DDX23: variants seen among roughly 807,000 people sequenced by gnomAD.
DDX23 encodes DEAD-box helicase 23, also known as probable ATP-dependent RNA helicase DDX23.
DDX23 carries 33 observed loss-of-function variants against 102.7 expected under a neutral mutation model. The observed-to-expected ratio is 0.32, with a 90% CI of 0.24 to 0.43. The LOEUF (loss-of-function observed/expected upper bound fraction) is 0.43. DDX23 is among the 20% of genes least tolerant of loss of function. The pLI is 1.00. For synonymous variants in DDX23, 352 were observed against 376.0 expected (o/e 0.94, Z 0.74); for missense variants, 549 against 1,086.6 (o/e 0.51, Z 6.96).
chr12:48,842,320 G>A (rs1265914408), intron 3 of DDX23, among the ~76,000 whole-genome samples: 31 of 140,684 alleles, frequency 2.2e-4, no homozygotes, highest in African/African-American at 7.1e-4. Flanking sequence ...GGGAGGTGAG[G>A]GGCGCCTCTG....
Position 48,843,341 on chromosome 12 carries a change from T to C in DDX23, c.320+599A>G, listed in dbSNP as rs913500481. On this transcript the variant is annotated intron_variant, in intron 3 of 16. Transcript: ENST00000308025. ...AAAACAAAATCTGGTGGCAGATGCC[T>C]GTAGTCCAGCTACTCAGGAGGCTGA... Among the ~76,000 whole-genome samples, 4 of 150,376 alleles carry C rather than the reference T, an allele frequency of 2.7e-5. No individual in the cohort carries two copies. In the East Asian group the frequency reaches 7.9e-4, roughly 30 times the overall value.
chr12:48,842,845 T>C (rs1339791688), intron 3 of DDX23, among the ~76,000 whole-genome samples: 8 of 152,150 alleles, frequency 5.3e-5, no homozygotes, highest in Non-Finnish European at 1.0e-4. Flanking sequence ...GGCGGTTTTG[T>C]GGAATAGAAA....
chr12:48,833,193 C>T, intron 13 of DDX23, 84 bp downstream of exon 13: 3 of 1,576,822 alleles, frequency 1.9e-6, no homozygotes, highest in South Asian at 1.2e-5. Flanking sequence ...CCATGTTGCC[C>T]AGGCTGGTCT....
intron 11 of DDX23, chr12:48,835,223 T>C (rs115160359): frequency 0.021 from 4,370 of 207,564 alleles, 217 homozygotes; most frequent in African/African-American, 0.098. Flanking sequence ...GCCTAGACAA[T>C]AGAGCGAGAC....
chr12:48,834,752 G>C (rs1938440955), intron 11 of DDX23: 1 of 333,712 alleles, frequency 3.0e-6, no homozygotes, highest in Non-Finnish European at 5.5e-6. Context: ...TGGCCAACAT[G>C]GTGAAACCCT....
Position 48,833,700 on chromosome 12 carries a change from T to C in DDX23, c.1561-181A>G, listed in dbSNP as rs549079056. On this transcript the variant is annotated intron_variant, in intron 12 of 16. Transcript: ENST00000308025. ...CATGAAATCACTTGTTGCCTGGATTTTCTCAGGAATGAATGAGGTCTCTGA... is the reference window on the plus strand; with the variant it reads ...CATGAAATCACTTGTTGCCTGGATTCTCTCAGGAATGAATGAGGTCTCTGA... 5.4e-6 allele frequency: 4 copies of C among 740,860 alleles called. No individual in the cohort carries two copies. In the East Asian group the frequency reaches 8.1e-5, roughly 15 times the overall value. 45.9% of individuals were successfully genotyped at this position (740,860 alleles called of 1,614,324 possible).
Position 48,832,502 on chromosome 12 carries a change from A to G in DDX23, c.1875T>C (p.Ala625=). The G allele has an allele frequency of 6.2e-7, 1 of 1,614,144 alleles. No individual in the cohort carries two copies. The highest frequency in any genetic ancestry group is 8.5e-7 in the Non-Finnish European group (1 of 1,180,028). The part of the protein sequence containing the change: ...RLARSYLRRP[A]VVYIGSAGKP... The stretch of plus-strand genomic sequence containing the variant: ...TGCCTGCGGAGCCAATGTACACCAC[A>G]GCAGGTCGCCGAAGATAGCTCCTGG... Residue 625 remains alanine, a synonymous_variant, in exon 14 of 17, where the codon GCT becomes GCC. Coordinates refer to ENST00000308025, the MANE Select transcript of DDX23 (RefSeq NM_004818.3). This position sits in a 1 kb window ranked among gnomAD's most constrained non-coding sequence, Gnocchi z 4.4.
chr12:48,845,834 G>A, intron 1 of DDX23, 52 bp from the exon 2 acceptor site: 4 of 1,565,784 alleles, frequency 2.6e-6, no homozygotes, highest in South Asian at 1.1e-5. Flanking sequence ...GCTCTAAACT[G>A]CTTATATATA....
chr12:48,842,865 G>A (rs1226823239), intron 3 of DDX23, among the ~76,000 whole-genome samples: 1 of 151,458 alleles, frequency 6.6e-6, no homozygotes, highest in African/African-American at 2.4e-5. Context: ...AGGCGGGAAA[G>A]GTGGGGAAAA....
Position 48,834,250 on chromosome 12 carries a change from A to T in DDX23, c.1560+70T>A, listed in dbSNP as rs1454431707. ...CTTCATACTACTGCACATATATTCCAGAAACTAGAAACAAAGCCCCAAGAT... is the reference window on the plus strand; with the variant it reads ...CTTCATACTACTGCACATATATTCCTGAAACTAGAAACAAAGCCCCAAGAT... On this transcript the variant is annotated intron_variant, in intron 12 of 16. Transcript: ENST00000308025. The T allele has an allele frequency of 4.1e-6, 6 of 1,471,596 alleles. No individual in the cohort carries two copies. In the Admixed American group the frequency reaches 1.3e-4, roughly 31 times the overall value. The allele number at this position is 1,471,596 out of a possible 1,614,324, so 91.2% of individuals were successfully genotyped here. A position where few individuals can be genotyped will look rare whatever the true frequency, so the allele number is the denominator to read the frequency against.
intron 2 of DDX23, among the ~76,000 whole-genome samples, chr12:48,844,622 T>C (rs544924652): frequency 2.0e-5 from 3 of 147,792 alleles, no homozygotes; most frequent in Admixed American, 1.3e-4. Flanking sequence ...ACCTTACTAG[T>C]TCCCTCTCAA....
In DDX23 at chr12:48,832,660, A is replaced by T. The variant is rs1856815186; in HGVS notation, c.1804-87T>A. On this transcript the variant is annotated intron_variant, in intron 13 of 16. Coordinates refer to ENST00000308025, the MANE Select transcript of DDX23 (RefSeq NM_004818.3). The surrounding 1 kb of genome is among the most constrained non-coding windows in gnomAD (Gnocchi z 4.4). ...CCGAAGGCAGGTCAGCCCAGACTAA[A>T]GAATCTAAAATGGGCCACAGTATAG... The T allele has an allele frequency of 6.6e-7, 1 of 1,510,972 alleles. No individual in the cohort carries two copies. The highest frequency in any genetic ancestry group is 1.4e-5 in the African/African-American group (1 of 72,152). 93.6% of individuals were successfully genotyped at this position (1,510,972 alleles called of 1,614,324 possible).
intron 3 of DDX23, among the ~76,000 whole-genome samples, chr12:48,843,443 CAA>C (rs1370006503): frequency 6.6e-6 from 1 of 150,924 alleles, no homozygotes; most frequent in African/African-American, 2.4e-5. Context: ...CCAGCCTGGG[CAA>C]AAGAGACCCT....
In DDX23 at chr12:48,851,226, C is replaced by CT. The variant is rs1414401530; in HGVS notation, c.-1+857dup. ...GTGGCTCACGCATGTAATCCTAACA[C>CT]TTTAAGAGGCCGAGACAGGTGGATT... On this transcript the variant is annotated intron_variant, in intron 1 of 16. Transcript: ENST00000308025. 5.9e-5 allele frequency among the ~76,000 whole-genome samples: 9 copies of CT among 152,330 alleles called. 1 individual carries two copies. In the East Asian group the frequency reaches 1.7e-3, roughly 29 times the overall value.
intron 1 of DDX23, among the ~76,000 whole-genome samples, chr12:48,848,730 G>C (rs571203225): frequency 2.0e-5 from 3 of 150,080 alleles, no homozygotes; most frequent in Non-Finnish European, 4.4e-5. Flanking sequence ...GACTATAGGC[G>C]CATGCCACCA....
intron 1 of DDX23, among the ~76,000 whole-genome samples, chr12:48,849,901 T>C (rs1046862109): frequency 6.6e-6 from 1 of 152,038 alleles, no homozygotes; most frequent in African/African-American, 2.4e-5. Context: ...CAGGCTGAGG[T>C]GGAAAGACTT....
In DDX23 at chr12:48,830,466, G is replaced by T; in HGVS notation, c.*3C>A. The T allele has an allele frequency of 3.1e-6, 5 of 1,613,994 alleles. No individual in the cohort carries two copies. The highest frequency in any genetic ancestry group is 4.2e-6 in the Non-Finnish European group (5 of 1,179,934). ...GCCCTCAGCCCACAGGAAGAGTGCT[G>T]TGTCAGGCAAAGATGGTCTCTTCCC... On this transcript the variant is annotated 3_prime_UTR_variant, in exon 17 of 17. Coordinates refer to ENST00000308025, the MANE Select transcript of DDX23 (RefSeq NM_004818.3). This position sits in a 1 kb window ranked among gnomAD's most constrained non-coding sequence, Gnocchi z 4.9.
At chr12:48,848,035 C>T (rs1938696083) in intron 1 of DDX23, among the ~76,000 whole-genome samples, 1 of 152,176 alleles carries the variant, frequency 6.6e-6, no homozygotes, top group African/African-American at 2.4e-5. Flanking sequence ...CCTATAATCC[C>T]AGCACTTTGG....
Position 48,833,159 on chromosome 12 carries a change from A to C in DDX23, c.1803+118T>G. 2.7e-6 allele frequency: 4 copies of C among 1,485,808 alleles called. No individual in the cohort carries two copies. The Admixed American group carries it at 8.2e-5, about 31-fold the overall frequency. 92.0% of individuals were successfully genotyped at this position (1,485,808 alleles called of 1,614,324 possible). On this transcript the variant is annotated intron_variant, in intron 13 of 16. Coordinates refer to ENST00000308025, the MANE Select transcript of DDX23 (RefSeq NM_004818.3). ...CCACCAATGCCCAGCTAATTTTTTA[A>C]ATTTTTGTAGAGACGGAGTTTCGCC... is the stretch of plus-strand genomic sequence containing the variant.
Sources: allele counts gnomAD v4.1 joint callset (sites outside exome capture counted in the v4.1 genomes callset), GRCh38; gene constraint gnomAD v4.1.1; non-coding constraint Gnocchi (gnomAD v3.1); transcripts MANE v1.5; gene names NCBI Gene and HGNC (gene_info 2026-07-23, HGNC 2026-07-21).